CLSTN2: variants seen among roughly 807,000 people sequenced by gnomAD.
CLSTN2 encodes calsyntenin-2.
In CLSTN2, 48 loss-of-function variants were observed where a neutral mutation model predicts 101.2. The ratio of observed to expected loss-of-function variants is 0.47; its 90% CI spans 0.38 to 0.60. CLSTN2 has a LOEUF of 0.60. Among genes scored for constraint, CLSTN2 ranks in the 20% least tolerant of loss-of-function variants. The probability of loss-of-function intolerance (pLI) is 0.00; values close to 1 mark genes in which losing one functional copy is unlikely to be tolerated. For missense variants in CLSTN2, 1,160 were observed against 1,238.2 expected (o/e 0.94, Z 0.95); for synonymous variants, 481 against 463.6 (o/e 1.04, Z -0.48).
At chr3:140,516,881 A>G (rs1282741062) in intron 8 of CLSTN2, among the ~76,000 whole-genome samples, 1 of 152,204 alleles carries the variant, frequency 6.6e-6, no homozygotes, top group Non-Finnish European at 1.5e-5. Context: ...CTAGATCTCT[A>G]GCAAAGCCAT....
chr3:140,027,915 C>G (rs1362898345), intron 1 of CLSTN2, among the ~76,000 whole-genome samples: 1 of 152,226 alleles, frequency 6.6e-6, no homozygotes, highest in African/African-American at 2.4e-5. Flanking sequence ...TTGCCACTGA[C>G]TCGCTTGGTA....
intron 5 of CLSTN2, among the ~76,000 whole-genome samples, chr3:140,433,137 G>C (rs1031161150): frequency 5.3e-5 from 8 of 152,260 alleles, no homozygotes; most frequent in Admixed American, 2.6e-4. Flanking sequence ...AAGCTATTTG[G>C]GGGAAAGTTC....
chr3:140,043,823 T>C (rs949569498), intron 1 of CLSTN2, among the ~76,000 whole-genome samples: 1 of 152,192 alleles, frequency 6.6e-6, no homozygotes, highest in African/African-American at 2.4e-5. Flanking sequence ...TTGTCAAAGA[T>C]CAGATGTTTG....
At chr3:139,960,973 T>C (rs1307691766) in intron 1 of CLSTN2, among the ~76,000 whole-genome samples, 1 of 152,200 alleles carries the variant, frequency 6.6e-6, no homozygotes, top group East Asian at 1.9e-4. Flanking sequence ...TGAATAGCCA[T>C]CCCTTTGCCA....
chr3:140,353,009 T>G (rs2087627206), intron 2 of CLSTN2, among the ~76,000 whole-genome samples: 1 of 152,188 alleles, frequency 6.6e-6, no homozygotes, highest in Non-Finnish European at 1.5e-5. Flanking sequence ...CATTATTCCC[T>G]TAACAATATA....
chr3:139,948,914 A>G (rs915469088), intron 1 of CLSTN2, among the ~76,000 whole-genome samples: 1 of 152,198 alleles, frequency 6.6e-6, no homozygotes, highest in East Asian at 1.9e-4. Flanking sequence ...CACCTAGCCC[A>G]GTGTTGGAGT....
chr3:139,971,548 G>A (rs548818593), intron 1 of CLSTN2, among the ~76,000 whole-genome samples: 14 of 152,362 alleles, frequency 9.2e-5, no homozygotes, highest in African/African-American at 2.9e-4. Context: ...GGTATGGCCT[G>A]AGACAGGCTT....
intron 2 of CLSTN2, among the ~76,000 whole-genome samples, chr3:140,255,704 C>T (rs527547540): frequency 6.6e-6 from 1 of 152,120 alleles, no homozygotes; most frequent in Non-Finnish European, 1.5e-5. Flanking sequence ...CCCCCATGAC[C>T]ATGACATGCA....
At chr3:140,042,968 G>A (rs1176975302) in intron 1 of CLSTN2, among the ~76,000 whole-genome samples, 6 of 152,160 alleles carry the variant, frequency 3.9e-5, no homozygotes, top group Non-Finnish European at 7.3e-5. Flanking sequence ...ATTGTGAATA[G>A]TGCCACAATA....
chr3:140,125,528 A>G (rs2009415544), intron 1 of CLSTN2, among the ~76,000 whole-genome samples: 1 of 152,026 alleles, frequency 6.6e-6, no homozygotes, highest in African/African-American at 2.4e-5. Context: ...TCTCTTTTTT[A>G]AAAGGAAGGA....
chr3:140,200,152 C>T (rs1050785144), intron 2 of CLSTN2, among the ~76,000 whole-genome samples: 3 of 152,282 alleles, frequency 2.0e-5, no homozygotes, highest in Admixed American at 6.5e-5. Flanking sequence ...CTGTATGAAC[C>T]AGTCCCAAGT....
chr3:140,391,208 A>G (rs1187804542), intron 2 of CLSTN2, among the ~76,000 whole-genome samples: 1 of 152,158 alleles, frequency 6.6e-6, no homozygotes, highest in African/African-American at 2.4e-5. Context: ...TTTCTATCAA[A>G]GTTTTAGCCT....
intron 2 of CLSTN2, among the ~76,000 whole-genome samples, chr3:140,291,222 A>G (rs756460129): frequency 2.0e-5 from 3 of 152,028 alleles, no homozygotes; most frequent in Non-Finnish European, 2.9e-5. Context: ...AGCTTTCACT[A>G]TATGTTAGTG....
At chr3:140,459,048 C>G (rs1296797095) in intron 6 of CLSTN2, among the ~76,000 whole-genome samples, 1 of 152,196 alleles carries the variant, frequency 6.6e-6, no homozygotes, top group Non-Finnish European at 1.5e-5. Context: ...ATTTTGTCAA[C>G]TTGCTGGCTC....
chr3:140,433,179 G>A (rs989969213), intron 5 of CLSTN2, among the ~76,000 whole-genome samples: 2 of 152,182 alleles, frequency 1.3e-5, no homozygotes, highest in Admixed American at 6.5e-5. Context: ...ATGTTAAAAA[G>A]GAAATATGTC....
chr3:140,211,107 A>C (rs1287325593), intron 2 of CLSTN2, among the ~76,000 whole-genome samples: 1 of 151,940 alleles, frequency 6.6e-6, no homozygotes, highest in Admixed American at 6.6e-5. Flanking sequence ...TGGAGGGTCA[A>C]TATGGTGAAA....
chr3:139,973,260 G>T (rs1442519292), intron 1 of CLSTN2, among the ~76,000 whole-genome samples: 1 of 152,226 alleles, frequency 6.6e-6, no homozygotes, highest in Non-Finnish European at 1.5e-5. Context: ...CTCCATGGCT[G>T]CCTTGGATTC....
chr3:140,117,311 T>A (rs952146227), intron 1 of CLSTN2, among the ~76,000 whole-genome samples: 11 of 152,202 alleles, frequency 7.2e-5, no homozygotes, highest in Non-Finnish European at 1.5e-5. Context: ...CAGGGCTTGA[T>A]CCAGCACATG....
intron 2 of CLSTN2, among the ~76,000 whole-genome samples, chr3:140,380,176 C>A (rs1486267925): frequency 1.3e-5 from 2 of 152,198 alleles, no homozygotes; most frequent in East Asian, 1.9e-4. Flanking sequence ...CCAGCTCTGA[C>A]AACACTGGGC....
Sources: allele counts gnomAD v4.1 joint callset (sites outside exome capture counted in the v4.1 genomes callset), GRCh38; gene constraint gnomAD v4.1.1; transcripts MANE v1.5; gene names NCBI Gene and HGNC (gene_info 2026-07-23, HGNC 2026-07-21).